TRPM1: variants seen among roughly 807,000 people sequenced by gnomAD.
TRPM1 encodes transient receptor potential cation channel subfamily M member 1.
TRPM1 carries 113 observed loss-of-function variants against 149.4 expected under a neutral mutation model. The observed-to-expected ratio is 0.76, with a 90% CI of 0.65 to 0.88. The LOEUF (loss-of-function observed/expected upper bound fraction) is 0.88, where lower values mean the gene tolerates loss of function less well. TRPM1 is among the 40% of genes least tolerant of loss of function. The probability of loss-of-function intolerance (pLI) is 0.00; values close to 1 mark genes in which losing one functional copy is unlikely to be tolerated. For missense variants in TRPM1, 1,976 were observed against 2,038.7 expected, an observed-to-expected ratio of 0.97 and a Z score of 0.59; for synonymous variants, 741 against 759.5, an observed-to-expected ratio of 0.98 and a Z score of 0.40.
intron 1 of TRPM1, among the ~76,000 whole-genome samples, chr15:31,101,227 G>A (rs1276571999): frequency 1.3e-5 from 2 of 152,228 alleles, no homozygotes; most frequent in Admixed American, 6.5e-5. Context: ...GCCTGGAGCC[G>A]GGGCTCCTGA....
intron 1 of TRPM1, among the ~76,000 whole-genome samples, chr15:31,083,065 A>G (rs1157848327): frequency 3.3e-5 from 5 of 152,186 alleles, no homozygotes; most frequent in Admixed American, 6.5e-5. Flanking sequence ...GCAAAGACAC[A>G]GTGTGACTTT....
At chr15:31,035,493 C>G in intron 21 of TRPM1, 53 bp downstream of exon 21, 1 of 1,613,134 alleles carries the variant, frequency 6.2e-7, no homozygotes, top group Non-Finnish European at 8.5e-7. Context: ...GGAGCCATAT[C>G]TGCATTTGCA....
intron 2 of TRPM1, among the ~76,000 whole-genome samples, chr15:31,077,261 G>A (rs2034721151): frequency 6.6e-6 from 1 of 152,100 alleles, no homozygotes. Context: ...TGGGAGCTGT[G>A]GGGATTTCCA....
At chr15:31,026,550 CTTATTT>C (rs2032765768) in intron 26 of TRPM1, among the ~76,000 whole-genome samples, 1 of 152,138 alleles carries the variant, frequency 6.6e-6, no homozygotes, top group African/African-American at 2.4e-5. Context: ...ACTTTTTGCA[CTTATTT>C]TTATGAATAG....
intron 1 of TRPM1, among the ~76,000 whole-genome samples, chr15:31,154,015 G>A (rs932166009): frequency 3.9e-5 from 6 of 152,208 alleles, no homozygotes; most frequent in Non-Finnish European, 5.9e-5. Context: ...CCAAGCATGG[G>A]CTGCAAACTG....
rs1596049934 is a variant in TRPM1, at chr15:31,081,507, C to T, written c.-83-69G>A. ...CCTCTTTCTTGGGAAGCAAGATGAA[C>T]AAATCCTGCCCTCCCTTTGTTCCAG... On this transcript the variant is annotated intron_variant, in intron 1 of 27. Transcript: ENST00000256552. 7 of 1,001,514 alleles carry T rather than the reference C, an allele frequency of 7.0e-6. No homozygotes were observed. The East Asian group carries it at 1.6e-4, about 22-fold the overall frequency. 62.0% of individuals were successfully genotyped at this position (1,001,514 alleles called of 1,614,324 possible).
At chr15:31,095,169 C>G (rs909642698) in intron 1 of TRPM1, among the ~76,000 whole-genome samples, 2 of 152,144 alleles carry the variant, frequency 1.3e-5, no homozygotes, top group African/African-American at 4.8e-5. Flanking sequence ...ATAGATAAAT[C>G]CATACAGACA....
chr15:31,003,332 G>C (rs774530020), intron 27 of TRPM1, among the ~76,000 whole-genome samples: 59 of 152,292 alleles, frequency 3.9e-4, no homozygotes, highest in South Asian at 1.5e-3. Context: ...CTCACTAACA[G>C]GTACTTACTG....
chr15:31,160,274 A>G (rs1236410409), intron 1 of TRPM1, among the ~76,000 whole-genome samples: 1 of 152,158 alleles, frequency 6.6e-6, no homozygotes, highest in Admixed American at 6.5e-5. Context: ...AGCACACCTA[A>G]GATTCAAATC....
intron 11 of TRPM1, among the ~76,000 whole-genome samples, chr15:31,059,945 C>T (rs138516265): frequency 1.3e-5 from 2 of 152,038 alleles, no homozygotes; most frequent in African/African-American, 4.8e-5. Context: ...ATTAGTACTC[C>T]TCAACACTCC....
At chr15:31,037,126 C>G (rs2033424242) in intron 20 of TRPM1, among the ~76,000 whole-genome samples, 1 of 152,236 alleles carries the variant, frequency 6.6e-6, no homozygotes, top group Admixed American at 6.5e-5. Flanking sequence ...CTCTGATCTG[C>G]CCTCCTGCCT....
Position 31,002,658 on chromosome 15 carries a change from G to C in TRPM1, c.4042C>G (p.Leu1348Val). Residue 1348 changes from leucine to valine, a missense_variant, in exon 28 of 28, where the codon CTT (leucine) becomes GTT (valine). Transcript: ENST00000256552. ...LVPECQNSLH[L>V]SLGTSTSATP... is the part of the protein sequence containing the mutation. Reference sequence around the variant, plus strand: ...GCTGATGTGCTTGTGCCCAGTGAAAGGTGAAGACTGTTCTGACATTCTGGG... The same window carrying C: ...GCTGATGTGCTTGTGCCCAGTGAAACGTGAAGACTGTTCTGACATTCTGGG... 1 of 1,614,200 alleles carries C rather than the reference G, an allele frequency of 6.2e-7. No homozygotes were observed. Among genetic ancestry groups the C allele is most frequent in the Non-Finnish European group, 8.5e-7 (1 of 1,180,042 alleles).
intron 11 of TRPM1, among the ~76,000 whole-genome samples, chr15:31,057,566 G>A (rs910735336): frequency 1.6e-4 from 25 of 152,154 alleles, no homozygotes; most frequent in African/African-American, 5.8e-4. Context: ...TATAAACTAT[G>A]TATATGCAAA....
rs367594690 is a variant in TRPM1, at chr15:31,022,255, T to A, written c.3629+3884A>T. ...ACACAGATAGCCTCAAATCTCCCAA[T>A]GATAAGGACTCATGTTGCCAAATAT... On this transcript the variant is annotated intron_variant, in intron 27 of 27. Coordinates refer to ENST00000256552, the MANE Select transcript of TRPM1 (RefSeq NM_001252024.2). Among the ~76,000 whole-genome samples the A allele has an allele frequency of 7.2e-5, 11 of 152,182 alleles. No homozygotes were observed. The East Asian group carries it at 1.2e-3, about 16-fold the overall frequency.
chr15:31,127,240 A>G lies in TRPM1; in HGVS notation c.54+33666T>C, dbSNP rs186220908. Among the ~76,000 whole-genome samples the G allele has an allele frequency of 8.0e-3, 1,224 of 152,270 alleles. 18 individuals are homozygous for G. Among genetic ancestry groups the G allele is most frequent in the African/African-American group, 0.028 (1,167 of 41,556 alleles). ...TCTCGTGGCATCTCCAAGGATGCCC[A>G]GTCAGTTTGTGTATGTTTCTCATTC... On this transcript the variant is annotated intron_variant, in intron 1 of 26. Coordinates refer to the TRPM1 transcript ENST00000542188.
intron 3 of TRPM1, among the ~76,000 whole-genome samples, chr15:31,076,131 G>GA (rs2034683180): frequency 6.6e-6 from 1 of 151,978 alleles, no homozygotes; most frequent in African/African-American, 2.4e-5. Flanking sequence ...TTACCTCGGG[G>GA]GGCAATCACT....
intron 1 of TRPM1, among the ~76,000 whole-genome samples, chr15:31,089,407 G>C (rs955991289): frequency 6.6e-6 from 1 of 152,218 alleles, no homozygotes; most frequent in Non-Finnish European, 1.5e-5. Context: ...TCCCTACAGA[G>C]TCCAGTAGGA....
In TRPM1 at chr15:31,096,064, AAT is replaced by A; in HGVS notation, c.-84+5591_-84+5592del. On this transcript the variant is annotated intron_variant, in intron 1 of 27. Coordinates refer to ENST00000256552, the MANE Select transcript of TRPM1 (RefSeq NM_001252024.2). ...TCTGTCTCAAAAAAATAAAAATAAA[AAT>A]AGAAAAGAAAAGAAAAGAAAAGAAA... 5.0e-5 allele frequency among the ~76,000 whole-genome samples: 3 copies of A among 60,382 alleles called. No individual in the cohort carries two copies. The Admixed American group carries it at 5.7e-4, about 11-fold the overall frequency. 39.6% of individuals were successfully genotyped at this position (60,382 alleles called of 152,430 possible). A position where few individuals can be genotyped will look rare whatever the true frequency, so the allele number is the denominator to read the frequency against.
chr15:31,068,432 A>G (rs2034442118), intron 4 of TRPM1, among the ~76,000 whole-genome samples: 1 of 152,074 alleles, frequency 6.6e-6, no homozygotes, highest in South Asian at 2.1e-4. Context: ...CGTGAGTGGG[A>G]CTAGTGTCCT....
Sources: allele counts gnomAD v4.1 joint callset (sites outside exome capture counted in the v4.1 genomes callset), GRCh38; gene constraint gnomAD v4.1.1; transcripts MANE v1.5; gene names NCBI Gene and HGNC (gene_info 2026-07-23, HGNC 2026-07-21).